Variants in IMMP2L observed in about 807,000 individuals in gnomAD.
The protein encoded by IMMP2L is inner mitochondrial membrane peptidase subunit 2, also known as mitochondrial inner membrane protease subunit 2.
Under a neutral mutation model 19.3 loss-of-function variants are expected in IMMP2L, and 18 were observed. The ratio of observed to expected loss-of-function variants is 0.93; its 90% CI spans 0.64 to 1.38. The LOEUF is 1.38. IMMP2L is among the 40% of genes most tolerant of loss of function. The pLI is 0.00. For missense variants in IMMP2L, 233 were observed against 218.2 expected (o/e 1.07, Z -0.43); for synonymous variants, 76 against 73.0 (o/e 1.04, Z -0.21).
intron 5 of IMMP2L, among the ~76,000 whole-genome samples, chr7:110,840,589 C>T (rs55798954): frequency 0.12 from 18,615 of 152,060 alleles, 2,183 homozygotes; most frequent in African/African-American, 0.31. Context: ...CATGGAATAA[C>T]TTGTTCTCTA....
intron 1 of IMMP2L, among the ~76,000 whole-genome samples, chr7:111,526,341 C>T (rs148726715): frequency 6.4e-4 from 97 of 152,224 alleles, no homozygotes; most frequent in African/African-American, 2.1e-3. Context: ...AATAACCACT[C>T]ATATGTTACT....
chr7:111,381,426 G>C (rs1831193289), intron 3 of IMMP2L, among the ~76,000 whole-genome samples: 1 of 151,960 alleles, frequency 6.6e-6, no homozygotes, highest in African/African-American at 2.4e-5. Context: ...GAATATTCTG[G>C]ATAAACTAGA....
intron 3 of IMMP2L, among the ~76,000 whole-genome samples, chr7:111,279,676 C>T (rs1378728620): frequency 2.6e-5 from 4 of 152,078 alleles, no homozygotes; most frequent in Admixed American, 2.6e-4. Flanking sequence ...CTCAGGAAGT[C>T]GGGTGCAAAA....
chr7:111,064,840 G>A (rs888626363), intron 3 of IMMP2L, among the ~76,000 whole-genome samples: 3 of 152,198 alleles, frequency 2.0e-5, no homozygotes, highest in African/African-American at 4.8e-5. Flanking sequence ...CAATGGAGAC[G>A]AGGAAGAGTA....
At chr7:110,915,846 A>G (rs1050625988) in intron 4 of IMMP2L, among the ~76,000 whole-genome samples, 9 of 152,222 alleles carry the variant, frequency 5.9e-5, no homozygotes, top group Admixed American at 3.3e-4. Context: ...TAGAAAAGCT[A>G]TAAGGATGAA....
At chr7:110,820,049 AC>A (rs1234155507) in intron 5 of IMMP2L, among the ~76,000 whole-genome samples, 1 of 152,016 alleles carries the variant, frequency 6.6e-6, no homozygotes, top group Non-Finnish European at 1.5e-5. Flanking sequence ...TTTATTTGGA[AC>A]CACTTATTAT....
chr7:110,850,437 C>T (rs1383560875), intron 5 of IMMP2L, among the ~76,000 whole-genome samples: 2 of 152,058 alleles, frequency 1.3e-5, no homozygotes, highest in Non-Finnish European at 2.9e-5. Flanking sequence ...CATTGACCTG[C>T]CCCTTGATTT....
At chr7:111,327,466 C>A (rs1447391690) in intron 3 of IMMP2L, among the ~76,000 whole-genome samples, 1 of 151,748 alleles carries the variant, frequency 6.6e-6, no homozygotes, top group African/African-American at 2.4e-5. Flanking sequence ...ATGTCTCTAT[C>A]ATAGCTGTTC....
intron 3 of IMMP2L, among the ~76,000 whole-genome samples, chr7:111,360,090 G>A (rs1455731744): frequency 6.6e-6 from 1 of 151,850 alleles, no homozygotes; most frequent in Non-Finnish European, 1.5e-5. Flanking sequence ...TTTAAAAAAT[G>A]GTTTTGGTTT....
intron 3 of IMMP2L, among the ~76,000 whole-genome samples, chr7:111,321,296 T>A (rs570459460): frequency 1.3e-5 from 2 of 151,958 alleles, no homozygotes; most frequent in African/African-American, 4.8e-5. Context: ...ATTACAACTC[T>A]ATTAAAATAA....
chr7:110,665,216 G>T (rs1257097354), intron 5 of IMMP2L, among the ~76,000 whole-genome samples: 1 of 152,040 alleles, frequency 6.6e-6, no homozygotes, highest in East Asian at 1.9e-4. Flanking sequence ...ACAAAAAACA[G>T]CTCCATCAAA....
chr7:110,872,903 G>A (rs938168794), intron 5 of IMMP2L, among the ~76,000 whole-genome samples: 2 of 152,180 alleles, frequency 1.3e-5, no homozygotes, highest in Non-Finnish European at 2.9e-5. Flanking sequence ...AGAAGGCCTT[G>A]GAGTGGAAGC....
intron 3 of IMMP2L, among the ~76,000 whole-genome samples, chr7:111,029,474 G>A (rs1258935064): frequency 2.0e-5 from 3 of 152,138 alleles, no homozygotes; most frequent in Admixed American, 1.3e-4. Context: ...AGAGATACAG[G>A]TAGCTATTTC....
chr7:110,909,719 C>T (rs184554564), intron 4 of IMMP2L, among the ~76,000 whole-genome samples: 3 of 152,092 alleles, frequency 2.0e-5, no homozygotes, highest in South Asian at 2.1e-4. Context: ...CAACAACAAC[C>T]GTCTCCCTCC....
At position 111,232,030 on chromosome 7, in the gene IMMP2L, T is replaced by C. The variant is rs549298710; in HGVS notation, c.239+255208A>G. Among the ~76,000 whole-genome samples, 41 of 152,134 alleles carry C rather than the reference T, an allele frequency of 2.7e-4. 1 individual carries two copies. The highest frequency in any genetic ancestry group is 4.4e-4 in the Non-Finnish European group (30 of 67,954). ...AAAATTACTTTCATACATAGAGACT[T>C]AGTATCACTCATAATTTAAAAGAAA... is the stretch of plus-strand genomic sequence containing the variant. On this transcript the variant is annotated intron_variant, in intron 3 of 5. Transcript: ENST00000405709.
chr7:110,788,181 G>A lies in IMMP2L; in HGVS notation c.408+98412C>T, dbSNP rs559469563. Among the ~76,000 whole-genome samples, 183 of 151,926 alleles carry A rather than the reference G, an allele frequency of 1.2e-3. 1 individual carries two copies. The highest frequency in any genetic ancestry group is 2.0e-3 in the Non-Finnish European group (138 of 67,936). On this transcript the variant is annotated intron_variant, in intron 5 of 5. Coordinates refer to ENST00000405709, the MANE Select transcript of IMMP2L (RefSeq NM_032549.4). Reference sequence around the variant, plus strand: ...TTACTTTCATCTACTTCCCTTTACAGCCAAACTCTTCGAAATAGATGTTCA... The same window carrying A: ...TTACTTTCATCTACTTCCCTTTACAACCAAACTCTTCGAAATAGATGTTCA...
At chr7:111,551,807 T>A (rs979200034) in intron 1 of IMMP2L, among the ~76,000 whole-genome samples, 1 of 152,056 alleles carries the variant, frequency 6.6e-6, no homozygotes, top group Non-Finnish European at 1.5e-5. Flanking sequence ...ACCAGTGAAG[T>A]ACAAAGCATT....
chr7:111,066,505 C>T (rs1209581115), intron 3 of IMMP2L, among the ~76,000 whole-genome samples: 4 of 152,114 alleles, frequency 2.6e-5, no homozygotes, highest in African/African-American at 9.7e-5. Context: ...CAGAAGATAA[C>T]GTTTAAAATA....
intron 4 of IMMP2L, among the ~76,000 whole-genome samples, chr7:110,923,970 A>C (rs919105618): frequency 3.9e-5 from 6 of 152,140 alleles, no homozygotes; most frequent in African/African-American, 1.2e-4. Flanking sequence ...TGCACAGGGG[A>C]ATAAAAAGCC....
Sources: gnomAD v4.1 joint callset for allele counts (sites outside exome capture counted in the v4.1 genomes callset) on GRCh38, gnomAD v4.1.1 for gene constraint, MANE v1.5 for transcripts, NCBI Gene and HGNC (gene_info 2026-07-23, HGNC 2026-07-21) for gene names.